The following BACH1 variants were observed in gnomAD, a reference collection of about 807,000 sequenced individuals.
The protein encoded by BACH1 is transcription regulator protein BACH1.
Under a neutral mutation model 52.9 loss-of-function variants are expected in BACH1, and 35 were observed. The observed-to-expected ratio is 0.66, with a 90% CI of 0.51 to 0.88. BACH1 has a LOEUF of 0.88. Among genes scored for constraint, BACH1 ranks in the 40% least tolerant of loss-of-function variants. The pLI is 0.00. For missense variants in BACH1, 808 were observed against 872.6 expected, an observed-to-expected ratio of 0.93 and a Z score of 0.93; for synonymous variants, 321 against 319.6, an observed-to-expected ratio of 1.00 and a Z score of -0.05.
At chr21:29,360,352 T>G (rs991169192) in intron 2 of BACH1, among the ~76,000 whole-genome samples, 1 of 152,208 alleles carries the variant, frequency 6.6e-6, no homozygotes, top group African/African-American at 2.4e-5. Flanking sequence ...ATCAGGCAGA[T>G]ATCTAAAAGC....
intron 4 of BACH1, among the ~76,000 whole-genome samples, chr21:29,330,731 T>G (rs2088970950): frequency 6.6e-6 from 1 of 152,148 alleles, no homozygotes; most frequent in Non-Finnish European, 1.5e-5. Context: ...TGGCAAGTTT[T>G]CAAGCGTGAA....
At chr21:29,356,592 G>C (rs567570988) in intron 2 of BACH1, among the ~76,000 whole-genome samples, 2 of 152,318 alleles carry the variant, frequency 1.3e-5, no homozygotes, top group Non-Finnish European at 2.9e-5. Flanking sequence ...CCTAGATCTG[G>C]TCAGACCTTT....
At chr21:29,342,277 G>C (rs411697) in intron 4 of BACH1, 122 bp from the exon 5 acceptor site, 4 of 995,876 alleles carry the variant, frequency 4.0e-6, no homozygotes, top group Non-Finnish European at 5.9e-6. Context: ...GAATGGAATT[G>C]AAAGGATAAA....
chr21:29,311,649 C>T (rs1296058307), intron 1 of BACH1, among the ~76,000 whole-genome samples: 2 of 152,150 alleles, frequency 1.3e-5, no homozygotes, highest in Non-Finnish European at 2.9e-5. Context: ...ACTATCCCCC[C>T]ACATGTATTT....
At chr21:29,301,748 T>C (rs1312304185) in intron 1 of BACH1, among the ~76,000 whole-genome samples, 1 of 152,192 alleles carries the variant, frequency 6.6e-6, no homozygotes, top group Non-Finnish European at 1.5e-5. Context: ...ATGTAAAAAT[T>C]AGTTTGTACT....
At chr21:29,301,251 T>C (rs1569004520) in intron 1 of BACH1, among the ~76,000 whole-genome samples, 1 of 152,190 alleles carries the variant, frequency 6.6e-6, no homozygotes, top group African/African-American at 2.4e-5. Flanking sequence ...AGGAATATAT[T>C]AAAACTTTTA....
At chr21:29,304,230 ATTC>A (rs2088631278) in intron 1 of BACH1, among the ~76,000 whole-genome samples, 1 of 151,570 alleles carries the variant, frequency 6.6e-6, no homozygotes, top group Non-Finnish European at 1.5e-5. Flanking sequence ...GGTTCAAGCA[ATTC>A]TTCTGCCTCA....
At chr21:29,353,286 C>A (rs1413658463) in intron 2 of BACH1, among the ~76,000 whole-genome samples, 1 of 152,116 alleles carries the variant, frequency 6.6e-6, no homozygotes, top group Non-Finnish European at 1.5e-5. Flanking sequence ...AGGAAATAAC[C>A]AATCTTGTAT....
At position 29,329,593 on chromosome 21, in the gene BACH1, A is replaced by G; in HGVS notation, c.1676A>G (p.His559Arg). The change falls in exon 4 of 5, where the codon CAT (histidine) becomes CGT (arginine). Residue 559 changes from histidine (H) to arginine (R), a missense_variant. Coordinates refer to ENST00000286800, the MANE Select transcript of BACH1 (RefSeq NM_001186.4). Reference sequence around the variant, plus strand: ...ACTCCAGAACAGCTGGATTGTATCCATGATATTCGAAGAAGAAGTAAAAAC... The same window carrying G: ...ACTCCAGAACAGCTGGATTGTATCCGTGATATTCGAAGAAGAAGTAAAAAC... ...KLTPEQLDCI[H>R]DIRRRSKNRI... 6.2e-7 allele frequency: 1 copy of G among 1,606,694 alleles called. No individual in the cohort carries two copies. The highest frequency in any genetic ancestry group is 8.5e-7 in the Non-Finnish European group (1 of 1,177,578).
chr21:29,338,696 T>A (rs2089074406), intron 4 of BACH1, among the ~76,000 whole-genome samples: 1 of 152,212 alleles, frequency 6.6e-6, no homozygotes, highest in South Asian at 2.1e-4. Context: ...TTATTTTGAA[T>A]GTAAAACGTT....
rs934715973 is a variant in BACH1 at position 29,338,829 on chromosome 21, A to AT, written c.1777-3561dup. On this transcript the variant is annotated intron_variant, in intron 4 of 4. Coordinates refer to ENST00000286800, the MANE Select transcript of BACH1 (RefSeq NM_001186.4). ...GGTAACCATTTTCATTAGTTTCTGG[A>AT]TTTTTTTTTCCCTGTGTTTCTTTTC... Among the ~76,000 whole-genome samples, 276 of 150,566 alleles carry AT rather than the reference A, an allele frequency of 1.8e-3. 1 individual carries two copies. Among genetic ancestry groups the AT allele is most frequent in the African/African-American group, 6.2e-3 (253 of 40,952 alleles).
At chr21:29,353,419 C>G (rs2089214979) in intron 2 of BACH1, among the ~76,000 whole-genome samples, 1 of 152,130 alleles carries the variant, frequency 6.6e-6, no homozygotes, top group East Asian at 1.9e-4. Context: ...CAATTCAGTA[C>G]CCACTAGCCA....
At chr21:29,333,629 T>C (rs1418553434) in intron 4 of BACH1, among the ~76,000 whole-genome samples, 2 of 152,206 alleles carry the variant, frequency 1.3e-5, no homozygotes, top group African/African-American at 2.4e-5. Context: ...TCTTAGGCTA[T>C]TGGCTGTTTG....
At chr21:29,308,491 T>G (rs1010953727) in intron 1 of BACH1, among the ~76,000 whole-genome samples, 1 of 152,200 alleles carries the variant, frequency 6.6e-6, no homozygotes. Context: ...TTTTATACTC[T>G]TAAGCACCTC....
At chr21:29,338,934 C>G (rs2089077684) in intron 4 of BACH1, among the ~76,000 whole-genome samples, 1 of 152,018 alleles carries the variant, frequency 6.6e-6, no homozygotes, top group South Asian at 2.1e-4. Flanking sequence ...TTTTTCTGTA[C>G]TTTTTAAACT....
chr21:29,310,159 T>C (rs1030124155), intron 1 of BACH1, among the ~76,000 whole-genome samples: 4 of 152,260 alleles, frequency 2.6e-5, no homozygotes, highest in African/African-American at 4.8e-5. Flanking sequence ...TGCTGATGAC[T>C]GTAGGAAATA....
intron 4 of BACH1, among the ~76,000 whole-genome samples, chr21:29,340,792 T>G (rs1309155706): frequency 6.6e-6 from 1 of 152,170 alleles, no homozygotes; most frequent in East Asian, 1.9e-4. Context: ...TGATTGCATT[T>G]AATGGTTCCT....
chr21:29,306,672 C>T (rs1601337751), intron 1 of BACH1, among the ~76,000 whole-genome samples: 1 of 152,294 alleles, frequency 6.6e-6, no homozygotes, highest in East Asian at 1.9e-4. Context: ...GTGCAGTTAA[C>T]AGTGACATCC....
At chr21:29,312,292 C>T (rs1000158769) in intron 1 of BACH1, among the ~76,000 whole-genome samples, 2 of 152,258 alleles carry the variant, frequency 1.3e-5, no homozygotes, top group East Asian at 3.9e-4. Context: ...CAATTGCACC[C>T]GCCTCTCTGC....
Sources: allele counts gnomAD v4.1 joint callset (sites outside exome capture counted in the v4.1 genomes callset), GRCh38; gene constraint gnomAD v4.1.1; transcripts MANE v1.5; gene names NCBI Gene and HGNC (gene_info 2026-07-23, HGNC 2026-07-21).